The following ADAM32 variants were observed in gnomAD, a reference collection of about 807,000 sequenced individuals.
ADAM32 encodes the protein ADAM metallopeptidase domain 32, also known as disintegrin and metalloproteinase domain-containing protein 32.
In ADAM32, 89 loss-of-function variants were observed where a neutral mutation model predicts 114.9. That is an observed-to-expected ratio of 0.77 (90% CI 0.65 to 0.92). ADAM32 has a LOEUF of 0.92. Among genes scored for constraint, ADAM32 ranks in the 40% least tolerant of loss-of-function variants. The probability of loss-of-function intolerance (pLI) is 0.00; values close to 1 mark genes in which losing one functional copy is unlikely to be tolerated. For missense variants in ADAM32, 870 were observed against 932.8 expected (o/e 0.93, Z 0.88); for synonymous variants, 285 against 307.5 (o/e 0.93, Z 0.77).
intron 2 of ADAM32, among the ~76,000 whole-genome samples, chr8:39,118,868 G>T (rs1840483321): frequency 6.6e-6 from 1 of 152,124 alleles, no homozygotes; most frequent in Admixed American, 6.6e-5. Context: ...TCCAGTTGTA[G>T]AATGTTGCTA....
At chr8:39,280,531 A>G (rs1002812463) in intron 22 of ADAM32, among the ~76,000 whole-genome samples, 14 of 152,204 alleles carry the variant, frequency 9.2e-5, no homozygotes, top group African/African-American at 3.4e-4. Flanking sequence ...TTAAATTTAC[A>G]TTAACTTCGA....
intron 7 of ADAM32, among the ~76,000 whole-genome samples, chr8:39,163,805 C>T (rs1032445506): frequency 5.9e-5 from 9 of 152,162 alleles, no homozygotes; most frequent in Admixed American, 2.0e-4. Flanking sequence ...TGAAGGAAGA[C>T]GATGAGTTTA....
At position 39,109,229 on chromosome 8, in the gene ADAM32, G is replaced by T. The variant is rs765390445; in HGVS notation, c.58+1396G>T. ...GAAATTAAAATAGAAATGTAAGAAT[G>T]TGTATTTCATTCATTAAAAATAAAA... On this transcript the variant is annotated intron_variant, in intron 1 of 24. Coordinates refer to ENST00000379907, the MANE Select transcript of ADAM32 (RefSeq NM_145004.7). Among the ~76,000 whole-genome samples the T allele has an allele frequency of 5.6e-4, 85 of 152,312 alleles. No homozygotes were observed. The Middle Eastern group carries it at 0.014, about 24-fold the overall frequency.
chr8:39,140,151 T>C (rs1041563530), intron 3 of ADAM32, among the ~76,000 whole-genome samples: 3 of 152,222 alleles, frequency 2.0e-5, no homozygotes, highest in African/African-American at 4.8e-5. Flanking sequence ...CATTTCCTAA[T>C]TGAATATCCT....
chr8:39,146,709 C>T (rs1168634835), intron 3 of ADAM32, among the ~76,000 whole-genome samples: 1 of 152,204 alleles, frequency 6.6e-6, no homozygotes, highest in East Asian at 1.9e-4. Context: ...CCACGTCCAG[C>T]CTCTTTTACA....
At chr8:39,258,021 G>C (rs1014048020) in intron 19 of ADAM32, among the ~76,000 whole-genome samples, 1 of 151,898 alleles carries the variant, frequency 6.6e-6, no homozygotes, top group Non-Finnish European at 1.5e-5. Flanking sequence ...AATACACGTG[G>C]CATTATCCAT....
chr8:39,139,929 C>T lies in ADAM32; in HGVS notation c.200+3211C>T, dbSNP rs191520648. Among the ~76,000 whole-genome samples, 20 of 152,074 alleles carry T rather than the reference C, an allele frequency of 1.3e-4. No homozygotes were observed. The East Asian group carries it at 1.7e-3, about 13-fold the overall frequency. ...GGATTCCTAGGTATTTTATTCTCTTCGTAGTAGTTGTGAATGGGAGTTCAC... is the reference window on the plus strand; with the variant it reads ...GGATTCCTAGGTATTTTATTCTCTTTGTAGTAGTTGTGAATGGGAGTTCAC... On this transcript the variant is annotated intron_variant, in intron 3 of 24. Coordinates refer to ENST00000379907, the MANE Select transcript of ADAM32 (RefSeq NM_145004.7).
chr8:39,134,140 G>A (rs567889713), intron 2 of ADAM32, among the ~76,000 whole-genome samples: 18 of 152,282 alleles, frequency 1.2e-4, no homozygotes, highest in Non-Finnish European at 2.5e-4. Context: ...GGACATGGGG[G>A]GATGTCAGCA....
intron 3 of ADAM32, among the ~76,000 whole-genome samples, chr8:39,139,104 A>AT (rs1283504872): frequency 1.1e-4 from 16 of 151,986 alleles, no homozygotes; most frequent in Non-Finnish European, 2.1e-4. Context: ...GATTGCAAAG[A>AT]TTTTCTCCCA....
chr8:39,203,555 A>C (rs1203063465), intron 11 of ADAM32, among the ~76,000 whole-genome samples: 1 of 152,182 alleles, frequency 6.6e-6, no homozygotes, highest in Non-Finnish European at 1.5e-5. Context: ...TCCTGAATAC[A>C]GCACACTGAT....
chr8:39,149,748 T>G, intron 4 of ADAM32, 43 bp from the exon 5 acceptor site: 1 of 1,409,560 alleles, frequency 7.1e-7, no homozygotes, highest in Non-Finnish European at 9.9e-7. Flanking sequence ...CTAGAAAGTT[T>G]TGTTACTTCC....
intron 16 of ADAM32, among the ~76,000 whole-genome samples, chr8:39,243,811 G>GAA (rs1336580006): frequency 6.6e-6 from 1 of 150,686 alleles, no homozygotes. Context: ...AAGAAAGAAA[G>GAA]AGTATTCAAA....
chr8:39,115,827 T>A (rs945721344), intron 1 of ADAM32, among the ~76,000 whole-genome samples: 1 of 152,240 alleles, frequency 6.6e-6, no homozygotes, highest in African/African-American at 2.4e-5. Flanking sequence ...GACAAAGATG[T>A]CTAGAATGGC....
chr8:39,191,018 T>C (rs762982271), intron 11 of ADAM32, among the ~76,000 whole-genome samples: 3 of 151,722 alleles, frequency 2.0e-5, no homozygotes, highest in Non-Finnish European at 4.4e-5. Context: ...AGTTTTCTGT[T>C]CCTGTGTTAG....
rs201055104 is a variant in ADAM32 at position 39,112,218 on chromosome 8, GAC to G, written c.58+4387_58+4388del. 2.0e-5 allele frequency among the ~76,000 whole-genome samples: 3 copies of G among 152,080 alleles called. No individual in the cohort carries two copies. In the East Asian group the frequency reaches 5.8e-4, roughly 29 times the overall value. On this transcript the variant is annotated intron_variant, in intron 1 of 24. Coordinates refer to ENST00000379907, the MANE Select transcript of ADAM32 (RefSeq NM_145004.7). ...TTAGATATAAATATGTGTAAATGTA[GAC>G]ATATACGGTCCTTTTGAAGTAAATT... is the stretch of plus-strand genomic sequence containing the variant.
rs564841761 is a variant in ADAM32, at chr8:39,202,029, C to G, written c.1053-9115C>G. ...TGATGTGCTGCTGGATTTGGTTTGC[C>G]AGTATTTTATTGAGGATTTTTGCAT... On this transcript the variant is annotated intron_variant, in intron 11 of 24. Coordinates refer to ENST00000379907, the MANE Select transcript of ADAM32 (RefSeq NM_145004.7). Among the ~76,000 whole-genome samples the G allele has an allele frequency of 1.3e-3, 202 of 152,196 alleles. 1 individual carries two copies. The highest frequency in any genetic ancestry group is 3.4e-3 in the Middle Eastern group (1 of 294).
chr8:39,272,271 G>T (rs1316880805), intron 20 of ADAM32, among the ~76,000 whole-genome samples: 1 of 152,050 alleles, frequency 6.6e-6, no homozygotes, highest in Non-Finnish European at 1.5e-5. Flanking sequence ...TATACATCTA[G>T]ATTCATGACT....
intron 7 of ADAM32, among the ~76,000 whole-genome samples, chr8:39,163,517 A>G (rs1804642153): frequency 6.6e-6 from 1 of 152,150 alleles, no homozygotes; most frequent in African/African-American, 2.4e-5. Context: ...GAAAACTTAG[A>G]AATTAGTGGC....
chr8:39,126,186 A>G (rs979740261), intron 2 of ADAM32, among the ~76,000 whole-genome samples: 2 of 152,168 alleles, frequency 1.3e-5, no homozygotes, highest in Non-Finnish European at 2.9e-5. Flanking sequence ...ATCTTAAAAT[A>G]GTTTTTCTAA....
Sources: gnomAD v4.1 joint callset for allele counts (sites outside exome capture counted in the v4.1 genomes callset) on GRCh38, gnomAD v4.1.1 for gene constraint, MANE v1.5 for transcripts, NCBI Gene and HGNC (gene_info 2026-07-23, HGNC 2026-07-21) for gene names.